The following PPL variants were observed in gnomAD, a reference collection of about 807,000 sequenced individuals.
PPL encodes periplakin.
In PPL, 198 loss-of-function variants were observed where a neutral mutation model predicts 194.4. That is an observed-to-expected ratio of 1.02 (90% CI 0.91 to 1.15). The LOEUF (loss-of-function observed/expected upper bound fraction) is 1.15, where lower values mean the gene tolerates loss of function less well. Among genes scored for constraint, PPL ranks in the 50% most tolerant of loss-of-function variants. PPL has a pLI of 0.00. For synonymous variants in PPL, 1,220 were observed against 972.4 expected, an observed-to-expected ratio of 1.25 and a Z score of -4.74; for missense variants, 2,885 against 2,294.8, an observed-to-expected ratio of 1.26 and a Z score of -5.25.
intron 1 of PPL, among the ~76,000 whole-genome samples, chr16:4,934,602 C>T (rs1346578143): frequency 6.6e-6 from 1 of 152,092 alleles, no homozygotes; most frequent in African/African-American, 2.4e-5. Flanking sequence ...TCCTACTGCC[C>T]CCCATGCTGA....
intron 1 of PPL, among the ~76,000 whole-genome samples, chr16:4,929,548 G>C (rs765503034): frequency 1.3e-5 from 2 of 152,068 alleles, no homozygotes; most frequent in Admixed American, 1.3e-4. Flanking sequence ...CCACCACCAC[G>C]GTTTGGTTGA....
At position 4,885,952 on chromosome 16, in the gene PPL, C is replaced by G. The variant is rs1325325063; in HGVS notation, c.2703G>C (p.Glu901Asp). The G allele has an allele frequency of 1.2e-6, 2 of 1,613,546 alleles. No homozygotes were observed. Among genetic ancestry groups the G allele is most frequent in the Admixed American group, 3.3e-5 (2 of 60,018 alleles). ...EAWKIRKELDEETERRRQLEN... is the reference protein window; with the variant it reads ...EAWKIRKELDDETERRRQLEN... ...CCAGCTGCCGCCTCCGCTCAGTCTC[C>G]TCATCCAGTTCCTTCCTGATCTTCC... The change falls in exon 22 of 22, where the codon GAG (glutamate) becomes GAC (aspartate). Residue 901 changes from glutamate to aspartate, a missense_variant. By Grantham distance (45) the Glu-to-Asp change is conservative. Coordinates refer to ENST00000345988, the MANE Select transcript of PPL (RefSeq NM_002705.5). This position sits in a 1 kb window ranked among gnomAD's most constrained non-coding sequence, Gnocchi z 6.3.
intron 1 of PPL, among the ~76,000 whole-genome samples, chr16:4,933,046 G>C (rs545545855): frequency 6.6e-6 from 1 of 151,126 alleles, no homozygotes; most frequent in East Asian, 1.9e-4. Flanking sequence ...CTTTTACCCA[G>C]GCTGGAGTGC....
chr16:4,937,020 TTTCTCTTCCTGAAGAGCGAG>T lies in PPL; in HGVS notation c.6_25del (p.Asn2LysfsTer16). The T allele has an allele frequency of 6.5e-7, 1 of 1,530,114 alleles. No homozygotes were observed. Among genetic ancestry groups the T allele is most frequent in the Non-Finnish European group, 8.8e-7 (1 of 1,136,554 alleles). 94.8% of individuals were successfully genotyped at this position (1,530,114 alleles called of 1,614,324 possible). A position where few individuals can be genotyped will look rare whatever the true frequency, so the allele number is the denominator to read the frequency against. The stretch of plus-strand genomic sequence containing the variant: ...CACAGTGGGGCTGTATTTGCCTTTG[TTTCTCTTCCTGAAGAGCGAG>T]TTCATGGTGGCGCTCGGGGTGCGGG... On this transcript the variant is annotated frameshift_variant, in exon 1 of 22. Coordinates refer to ENST00000345988, the MANE Select transcript of PPL (RefSeq NM_002705.5). LOFTEE classifies it high-confidence loss of function.
At chr16:4,900,435 T>C (rs942859402) in intron 6 of PPL, among the ~76,000 whole-genome samples, 6 of 74,684 alleles carry the variant, frequency 8.0e-5, no homozygotes, top group African/African-American at 1.5e-4. Context: ...ACTGCACGCC[T>C]TTTTTTTTTT....
At chr16:4,908,696 C>T (rs1301904317) in intron 2 of PPL, among the ~76,000 whole-genome samples, 1 of 149,400 alleles carries the variant, frequency 6.7e-6, no homozygotes, top group Non-Finnish European at 1.5e-5. Context: ...CACACCACCA[C>T]ACCTGGCAAA....
Position 4,893,538 on chromosome 16 carries a change from C to G in PPL, c.1492+3G>C. On this transcript the variant is annotated splice_donor_region_variant and intron_variant, in intron 13 of 21. Transcript: ENST00000345988. ...GCCTCAGGCGAGTGGCCCTGGCACCCACCTCCGGGATTCTCGGTCTTCAGC... is the reference window on the plus strand; with the variant it reads ...GCCTCAGGCGAGTGGCCCTGGCACCGACCTCCGGGATTCTCGGTCTTCAGC... 6.2e-7 allele frequency: 1 copy of G among 1,612,250 alleles called. No homozygotes were observed. The highest frequency in any genetic ancestry group is 8.5e-7 in the Non-Finnish European group (1 of 1,179,638).
intron 18 of PPL, among the ~76,000 whole-genome samples, chr16:4,889,291 A>T (rs1489914714): frequency 1.7e-5 from 2 of 114,380 alleles, no homozygotes; most frequent in African/African-American, 3.5e-5. Context: ...GTCTCACTGC[A>T]TCGCCCAGGC....
In PPL at chr16:4,885,986, T is replaced by C; in HGVS notation, c.2669A>G (p.Glu890Gly). The C allele has an allele frequency of 6.2e-7, 1 of 1,613,910 alleles. No individual in the cohort carries two copies. Among genetic ancestry groups the C allele is most frequent in the Non-Finnish European group, 8.5e-7 (1 of 1,180,028 alleles). Reference protein sequence around the residue: ...LQRNRPDSGVEEAWKIRKELD... With the variant: ...LQRNRPDSGVGEAWKIRKELD... ...TTCCTTCCTGATCTTCCACGCCTCC[T>C]CCACTCCAGAGTCCGGCCTATTCCT... The change falls in exon 22 of 22, where the codon GAG becomes GGG. Residue 890 changes from glutamate (E) to glycine (G), a missense_variant. Transcript: ENST00000345988. The surrounding 1 kb of genome is among the most constrained non-coding windows in gnomAD (Gnocchi z 6.3).
intron 1 of PPL, among the ~76,000 whole-genome samples, chr16:4,914,769 G>A (rs530885349): frequency 3.3e-4 from 51 of 152,312 alleles, no homozygotes; most frequent in African/African-American, 1.1e-3. Flanking sequence ...GCTTAGCAGT[G>A]GGGGGCTTTG....
chr16:4,908,422 TTC>T (rs58737308), intron 2 of PPL, among the ~76,000 whole-genome samples: 14 of 148,520 alleles, frequency 9.4e-5, no homozygotes, highest in South Asian at 2.2e-4. Flanking sequence ...TCTTCCTTCT[TTC>T]TCTCTCTCTC....
chr16:4,910,477 G>T (rs577839368), intron 2 of PPL, among the ~76,000 whole-genome samples: 4 of 152,242 alleles, frequency 2.6e-5, no homozygotes, highest in Admixed American at 6.5e-5. Flanking sequence ...TTTCCATAGA[G>T]CCTGACCCCA....
Position 4,890,762 on chromosome 16 carries a change from G to T in PPL, c.2128C>A (p.Arg710Ser). Residue 710 changes from arginine (R) to serine (S), a missense_variant, in exon 17 of 22, where the codon CGT (arginine) becomes AGT (serine). Arg to Ser is a moderately radical substitution (Grantham distance 110). Transcript: ENST00000345988. ...ACCTGCTGGCGCAGGTTGTTGAAAC[G>T]CTGGCCCAGCTTGTGCACCTCGGCC... ...QEAEVHKLGQ[R>S]FNNLRQQVER... 6.2e-7 allele frequency: 1 copy of T among 1,609,156 alleles called. No individual in the cohort carries two copies. The highest frequency in any genetic ancestry group is 8.5e-7 in the Non-Finnish European group (1 of 1,178,360).
intron 20 of PPL, 106 bp from the exon 21 acceptor site, chr16:4,887,333 G>C (rs767854997): frequency 1.8e-5 from 15 of 848,464 alleles, no homozygotes; most frequent in Non-Finnish European, 2.4e-5. Context: ...GTGGAATTTG[G>C]GGGTAGAGGC....
Position 4,937,037 on chromosome 16 carries a change from C to T in PPL, c.9G>A (p.Ser3=). The T allele has an allele frequency of 6.6e-7, 1 of 1,509,922 alleles. No homozygotes were observed. The highest frequency in any genetic ancestry group is 8.9e-7 in the Non-Finnish European group (1 of 1,125,230). The allele number at this position is 1,509,922 out of a possible 1,614,324, so 93.5% of individuals were successfully genotyped here. A position where few individuals can be genotyped will look rare whatever the true frequency, so the allele number is the denominator to read the frequency against. Residue 3 remains serine (S), a synonymous_variant, in exon 1 of 22, where the codon TCG becomes TCA. Coordinates refer to ENST00000345988, the MANE Select transcript of PPL (RefSeq NM_002705.5). MN[S]LFRKRNKGKY... is the part of the protein sequence containing the mutation. ...TGCCTTTGTTTCTCTTCCTGAAGAGCGAGTTCATGGTGGCGCTCGGGGTGC... is the reference window on the plus strand; with the variant it reads ...TGCCTTTGTTTCTCTTCCTGAAGAGTGAGTTCATGGTGGCGCTCGGGGTGC...
chr16:4,907,310 A>T (rs73519157), intron 2 of PPL, among the ~76,000 whole-genome samples: 148 of 2,100 alleles, frequency 0.07, no homozygotes, highest in Admixed American at 0.095. Flanking sequence ...ATCTAATCTC[A>T]CACACACACA....
chr16:4,936,370 C>A (rs923522398), intron 1 of PPL, among the ~76,000 whole-genome samples: 21 of 152,332 alleles, frequency 1.4e-4, no homozygotes, highest in African/African-American at 3.6e-4. Flanking sequence ...GGCCTCCGGG[C>A]GCGGCTCTGG....
At chr16:4,904,742 C>A (rs918729684) in intron 2 of PPL, among the ~76,000 whole-genome samples, 14 of 152,116 alleles carry the variant, frequency 9.2e-5, no homozygotes, top group Non-Finnish European at 1.5e-4. Flanking sequence ...GGATCCTGCA[C>A]AGCTCCATTT....
Position 4,883,581 on chromosome 16 carries a change from C to T in PPL, c.5074G>A (p.Glu1692Lys), listed in dbSNP as rs748030966. The change falls in exon 22 of 22, where the codon GAG becomes AAG. Residue 1692 changes from glutamate to lysine, a missense_variant. Transcript: ENST00000345988. The surrounding 1 kb of genome is among the most constrained non-coding windows in gnomAD (Gnocchi z 4.8). ...WNMFVKLRSQ[E>K]CDWEEISVKG... ...ACTGAGATCTCCTCCCAGTCGCACTCCTGGCTTCTGAGTTTCACGAACATG... is the reference window on the plus strand; with the variant it reads ...ACTGAGATCTCCTCCCAGTCGCACTTCTGGCTTCTGAGTTTCACGAACATG... 8 of 1,614,176 alleles carry T rather than the reference C, an allele frequency of 5.0e-6. No individual in the cohort carries two copies. Among genetic ancestry groups the T allele is most frequent in the Admixed American group, 1.7e-5 (1 of 60,028 alleles).
Sources: gnomAD v4.1 joint callset for allele counts (sites outside exome capture counted in the v4.1 genomes callset) on GRCh38, gnomAD v4.1.1 for gene constraint, Gnocchi (gnomAD v3.1) non-coding constraint, MANE v1.5 for transcripts, NCBI Gene and HGNC (gene_info 2026-07-23, HGNC 2026-07-21) for gene names.